IL1RAPL2: variants seen among roughly 807,000 people sequenced by gnomAD.
The protein encoded by IL1RAPL2 is interleukin 1 receptor accessory protein like 2, also known as X-linked interleukin-1 receptor accessory protein-like 2.
IL1RAPL2 carries 3 observed loss-of-function variants against 44.1 expected under a neutral mutation model. The observed-to-expected ratio is 0.07, with a 90% CI of 0.03 to 0.18. The LOEUF is 0.18. Among genes scored for constraint, IL1RAPL2 ranks in the 10% least tolerant of loss-of-function variants. IL1RAPL2 has a pLI of 1.00. For missense variants in IL1RAPL2, 391 were observed against 496.4 expected, an observed-to-expected ratio of 0.79 and a Z score of 2.02; for synonymous variants, 181 against 178.8, an observed-to-expected ratio of 1.01 and a Z score of -0.10.
intron 2 of IL1RAPL2, among the ~76,000 whole-genome samples, chrX:104,997,382 G>T (rs2030767947): frequency 9.0e-6 from 1 of 111,574 alleles, no homozygotes; most frequent in South Asian, 3.7e-4. Flanking sequence ...AAAAGTGTGG[G>T]TATTAGAAAG....
At chrX:104,721,618 C>G (rs1369307900) in intron 2 of IL1RAPL2, among the ~76,000 whole-genome samples, 1 of 110,243 alleles carries the variant, frequency 9.1e-6, no homozygotes. Flanking sequence ...TACAGCAAAC[C>G]ACCATGACAT....
chrX:105,684,866 A>G (rs1464523529), intron 6 of IL1RAPL2, among the ~76,000 whole-genome samples: 1 of 112,033 alleles, frequency 8.9e-6, no homozygotes, highest in Non-Finnish European at 1.9e-5. Context: ...GCTGTTGTGC[A>G]ATATTTGCTG....
chrX:105,099,067 A>G lies in IL1RAPL2; in HGVS notation c.83-96408A>G, dbSNP rs959200211. On this transcript the variant is annotated intron_variant, in intron 2 of 10. Transcript: ENST00000372582. ...GGTGAGCAAATACTCTATGTCAAGC[A>G]TTGTACAACGCACTAGAGGTGCAGC... 8.0e-5 allele frequency among the ~76,000 whole-genome samples: 9 copies of G among 112,490 alleles called. No individual in the cohort carries two copies. The East Asian group carries it at 2.2e-3, about 28-fold the overall frequency.
intron 6 of IL1RAPL2, among the ~76,000 whole-genome samples, chrX:105,587,985 GCCGT>G (rs1458965789): frequency 9.0e-6 from 1 of 111,489 alleles, no homozygotes; most frequent in African/African-American, 3.3e-5. Context: ...GCTGCATTGG[GCCGT>G]CCTTACACCA....
At chrX:104,971,722 C>T (rs2030240625) in intron 2 of IL1RAPL2, among the ~76,000 whole-genome samples, 1 of 111,068 alleles carries the variant, frequency 9.0e-6, no homozygotes, top group African/African-American at 3.3e-5. Context: ...AGGGTTGACT[C>T]ATGATAGACA....
At chrX:105,290,163 C>T (rs1306685470) in intron 5 of IL1RAPL2, among the ~76,000 whole-genome samples, 3 of 111,285 alleles carry the variant, frequency 2.7e-5, no homozygotes, top group Non-Finnish European at 5.7e-5. Context: ...AGTATCTCTT[C>T]ACTCCTTTAC....
chrX:105,724,296 C>T (rs1412992733), intron 7 of IL1RAPL2, among the ~76,000 whole-genome samples: 1 of 111,333 alleles, frequency 9.0e-6, no homozygotes, highest in Admixed American at 9.6e-5. Context: ...AACATCTGTA[C>T]TCAGCATTTC....
Position 105,359,751 on chromosome X carries a change from TTAA to T in IL1RAPL2, c.697+92225_697+92227del, listed in dbSNP as rs767128034. On this transcript the variant is annotated intron_variant, in intron 5 of 10. Transcript: ENST00000372582. The stretch of plus-strand genomic sequence containing the variant: ...AGTTGTCTCAGAAATTAACTGTAAT[TTAA>T]TAATAATAATAATACATTTAGTAAT... Among the ~76,000 whole-genome samples, 216 of 75,727 alleles carry T rather than the reference TTAA, an allele frequency of 2.9e-3. 2 individuals carry two copies. Among genetic ancestry groups the T allele is most frequent in the Non-Finnish European group, 4.7e-3 (168 of 35,849 alleles). 65.8% of individuals were successfully genotyped at this position (75,727 alleles called of 115,157 possible).
chrX:105,112,111 T>C (rs953251441), intron 2 of IL1RAPL2, among the ~76,000 whole-genome samples: 4 of 111,904 alleles, frequency 3.6e-5, no homozygotes, highest in Non-Finnish European at 3.8e-5. Flanking sequence ...TTACTGTCTA[T>C]ATCCACAGCA....
chrX:105,130,354 G>A (rs1336671579), intron 2 of IL1RAPL2, among the ~76,000 whole-genome samples: 1 of 111,304 alleles, frequency 9.0e-6, no homozygotes, highest in Non-Finnish European at 1.9e-5. Context: ...GCACCTCCAG[G>A]TGATTCTGAT....
rs58881109 is a variant in IL1RAPL2, at chrX:104,744,900, A to G, written c.82+85905A>G. Among the ~76,000 whole-genome samples the G allele has an allele frequency of 6.3e-3, 702 of 111,066 alleles. 3 individuals carry two copies. Among genetic ancestry groups the G allele is most frequent in the African/African-American group, 0.022 (669 of 30,646 alleles). ...TGTATATATGTGGAGTGGTGTTACT[A>G]TTATTTATAGTCACTTATCACCCTT... On this transcript the variant is annotated intron_variant, in intron 2 of 10. Coordinates refer to ENST00000372582, the MANE Select transcript of IL1RAPL2 (RefSeq NM_017416.2).
At chrX:104,736,693 C>T (rs1317575517) in intron 2 of IL1RAPL2, among the ~76,000 whole-genome samples, 1 of 112,306 alleles carries the variant, frequency 8.9e-6, no homozygotes, top group Non-Finnish European at 1.9e-5. Context: ...GGAGCTTAAC[C>T]TCTGCTGAAG....
chrX:104,875,225 G>T (rs6621874), intron 2 of IL1RAPL2, among the ~76,000 whole-genome samples: 5,738 of 111,051 alleles, frequency 0.052, 178 homozygotes, highest in East Asian at 0.2. Context: ...TGAACTTCTA[G>T]GGAAATGTAT....
intron 2 of IL1RAPL2, among the ~76,000 whole-genome samples, chrX:104,888,078 A>T (rs183951551): frequency 1.3e-3 from 148 of 111,841 alleles, no homozygotes; most frequent in Non-Finnish European, 6.8e-4. Flanking sequence ...CAAGGAAATT[A>T]TGGAGTTATT....
intron 2 of IL1RAPL2, among the ~76,000 whole-genome samples, chrX:104,849,570 T>A (rs1297781261): frequency 1.8e-5 from 2 of 108,868 alleles, no homozygotes; most frequent in Admixed American, 9.9e-5. Flanking sequence ...TAGCTGTTTT[T>A]ACTAAAGTAG....
intron 5 of IL1RAPL2, among the ~76,000 whole-genome samples, chrX:105,423,423 C>T (rs183091553): frequency 1.8e-5 from 2 of 111,777 alleles, no homozygotes; most frequent in East Asian, 5.7e-4. Flanking sequence ...TGAGAACCTT[C>T]ACTCTTTGAG....
intron 3 of IL1RAPL2, among the ~76,000 whole-genome samples, chrX:105,199,949 A>G (rs1429891638): frequency 9.0e-6 from 1 of 111,682 alleles, no homozygotes; most frequent in Non-Finnish European, 1.9e-5. Flanking sequence ...AATAGCTAGC[A>G]TATGTCTGTG....
At chrX:104,636,453 G>C (rs1160102556) in intron 1 of IL1RAPL2, among the ~76,000 whole-genome samples, 2 of 112,419 alleles carry the variant, frequency 1.8e-5, no homozygotes, top group African/African-American at 6.5e-5. Context: ...GGAGTCTACA[G>C]ATGCAGGCAG....
chrX:105,080,706 T>C (rs2032392501), intron 2 of IL1RAPL2, among the ~76,000 whole-genome samples: 1 of 111,897 alleles, frequency 8.9e-6, no homozygotes, highest in Non-Finnish European at 1.9e-5. Flanking sequence ...TGCGGGCTCT[T>C]TTTTGGTTCC....
Sources: gnomAD v4.1 joint callset for allele counts (sites outside exome capture counted in the v4.1 genomes callset) on GRCh38, gnomAD v4.1.1 for gene constraint, MANE v1.5 for transcripts, NCBI Gene and HGNC (gene_info 2026-07-23, HGNC 2026-07-21) for gene names.